Variants in SLC29A3 observed in about 807,000 individuals in gnomAD.
SLC29A3 encodes solute carrier family 29 member 3.
SLC29A3 carries 18 observed loss-of-function variants against 25.4 expected under a neutral mutation model. The observed-to-expected ratio is 0.71, with a 90% CI of 0.49 to 1.05. The LOEUF (loss-of-function observed/expected upper bound fraction) is 1.05, where lower values mean the gene tolerates loss of function less well. Among genes scored for constraint, SLC29A3 ranks in the 50% least tolerant of loss-of-function variants. SLC29A3 has a pLI of 0.00. For synonymous variants in SLC29A3, 258 were observed against 267.1 expected, an observed-to-expected ratio of 0.97 and a Z score of 0.33; for missense variants, 586 against 609.0, an observed-to-expected ratio of 0.96 and a Z score of 0.40.
In SLC29A3 at chr10:71,362,081, A is replaced by T; in HGVS notation, c.901A>T (p.Ile301Phe). ...IDSHTPPLRP[I>F]LKKTASLGFC... is the part of the protein sequence containing the mutation. ...TTCCCACACACCCCCTCTCCGCCCCATCCTGAAGAAGACGGCCAGCCTGGG... is the reference window on the plus strand; with the variant it reads ...TTCCCACACACCCCCTCTCCGCCCCTTCCTGAAGAAGACGGCCAGCCTGGG... Residue 301 changes from isoleucine to phenylalanine, a missense_variant, in exon 6 of 6, where the codon ATC becomes TTC. Transcript: ENST00000373189. 6.2e-7 allele frequency: 1 copy of T among 1,613,678 alleles called. No individual in the cohort carries two copies. The highest frequency in any genetic ancestry group is 8.5e-7 in the Non-Finnish European group (1 of 1,179,924).
At chr10:71,350,827 T>C (rs1228498967) in intron 3 of SLC29A3, among the ~76,000 whole-genome samples, 6 of 152,208 alleles carry the variant, frequency 3.9e-5, no homozygotes, top group Non-Finnish European at 8.8e-5. Context: ...CTGGGTTCAT[T>C]GCTGAGTGAC....
In SLC29A3 at chr10:71,363,082, G is replaced by C. The variant is rs1323113457; in HGVS notation, c.*474G>C. 3.3e-5 allele frequency: 15 copies of C among 450,916 alleles called. No individual in the cohort carries two copies. Among genetic ancestry groups the C allele is most frequent in the Non-Finnish European group, 5.3e-5 (12 of 224,768 alleles). The allele number at this position is 450,916 out of a possible 1,614,324, so 27.9% of individuals were successfully genotyped here. On this transcript the variant is annotated 3_prime_UTR_variant, in exon 6 of 6. Transcript: ENST00000373189. ...CCTGGAATGGAAGTCCCCTGGCATG[G>C]TCAGTCCTCAGGCCCAAGACTCAAG...
intron 3 of SLC29A3, 75 bp downstream of exon 3, chr10:71,344,366 T>A (rs929841092): frequency 1.7e-6 from 2 of 1,198,544 alleles, no homozygotes; most frequent in Admixed American, 1.7e-5. Flanking sequence ...TGCCTGCAGC[T>A]GCTTTTTTTC....
At chr10:71,352,159 C>G (rs903276950) in intron 4 of SLC29A3, among the ~76,000 whole-genome samples, 1 of 152,098 alleles carries the variant, frequency 6.6e-6, no homozygotes, top group Admixed American at 6.5e-5. Context: ...CTATGTGGAC[C>G]TCAAATGGCA....
intron 3 of SLC29A3, 78 bp downstream of exon 3, chr10:71,344,369 T>C: frequency 9.0e-7 from 1 of 1,116,340 alleles, no homozygotes; most frequent in South Asian, 1.2e-5. Flanking sequence ...CTGCAGCTGC[T>C]TTTTTTCTGC....
In SLC29A3 at chr10:71,322,874, C is replaced by T. The variant is rs752818853; in HGVS notation, c.120C>T (p.Pro40=). 139 of 1,614,262 alleles carry T rather than the reference C, an allele frequency of 8.6e-5. No individual in the cohort carries two copies. Among genetic ancestry groups the T allele is most frequent in the Non-Finnish European group, 1.1e-4 (125 of 1,180,054 alleles). Residue 40 remains proline (P), a synonymous_variant, in exon 2 of 6, where the codon CCC becomes CCT. Coordinates refer to ENST00000373189, the MANE Select transcript of SLC29A3 (RefSeq NM_018344.6). ...ALLEKLLDRP[P]PGLQRPEDRF... is the part of the protein sequence containing the mutation. The stretch of plus-strand genomic sequence containing the variant: ...TTGAGAAGCTGCTGGACCGCCCGCC[C>T]CCTGGCCTGCAGAGGCCCGAGGACC...
intron 2 of SLC29A3, among the ~76,000 whole-genome samples, chr10:71,325,157 A>G (rs1845937812): frequency 6.6e-6 from 1 of 152,208 alleles, no homozygotes; most frequent in Non-Finnish European, 1.5e-5. Context: ...GAGGTGGCTC[A>G]TCACTGCTTC....
chr10:71,380,080 C>T (rs1443011927), exon 5 of SLC29A3: 1 of 152,240 alleles, frequency 6.6e-6, no homozygotes, highest in Non-Finnish European at 1.5e-5. Flanking sequence ...CCCCTGAACT[C>T]TGTTTTGTCT....
rs1162243072 is a variant in SLC29A3 at position 71,361,854 on chromosome 10, A to C, written c.774-100A>C. The C allele has an allele frequency of 1.7e-5, 25 of 1,428,908 alleles. No homozygotes were observed. In the East Asian group the frequency reaches 3.7e-4, roughly 21 times the overall value. The allele number at this position is 1,428,908 out of a possible 1,614,324, so 88.5% of individuals were successfully genotyped here. A position where few individuals can be genotyped will look rare whatever the true frequency, so the allele number is the denominator to read the frequency against. On this transcript the variant is annotated intron_variant, in intron 5 of 5. Transcript: ENST00000373189. ...TGGGCATACGGGGCTTGGGCTCTCC[A>C]TGCTGGGCTGGAAGGTTCTGTTCTG...
At chr10:71,326,262 C>A (rs977660559) in intron 2 of SLC29A3, among the ~76,000 whole-genome samples, 3 of 152,174 alleles carry the variant, frequency 2.0e-5, no homozygotes, top group African/African-American at 7.2e-5. Context: ...ATACCACCAC[C>A]AACTTCTTAG....
intron 3 of SLC29A3, among the ~76,000 whole-genome samples, chr10:71,347,042 G>A (rs1255045227): frequency 6.6e-6 from 1 of 152,120 alleles, no homozygotes; most frequent in African/African-American, 2.4e-5. Context: ...TAGGAGAGGG[G>A]GCAAGGGCAA....
intron 5 of SLC29A3, among the ~76,000 whole-genome samples, chr10:71,360,324 A>G (rs1847023457): frequency 6.6e-6 from 1 of 151,708 alleles, no homozygotes; most frequent in Non-Finnish European, 1.5e-5. Context: ...TTGTATTTTT[A>G]GTAGAGGTGG....
At chr10:71,326,802 G>A (rs1465455541) in intron 2 of SLC29A3, among the ~76,000 whole-genome samples, 2 of 152,234 alleles carry the variant, frequency 1.3e-5, no homozygotes, top group Non-Finnish European at 2.9e-5. Flanking sequence ...AGGTGCAGAT[G>A]TAGTACCTTC....
intron 3 of SLC29A3, among the ~76,000 whole-genome samples, chr10:71,350,023 C>CT (rs1366190287): frequency 6.6e-6 from 1 of 152,218 alleles, no homozygotes; most frequent in African/African-American, 2.4e-5. Flanking sequence ...ACAGTAGTTG[C>CT]TCAATGCACA....
intron 3 of SLC29A3, among the ~76,000 whole-genome samples, chr10:71,370,103 G>A (rs997543790): frequency 2.6e-5 from 4 of 152,138 alleles, no homozygotes; most frequent in Non-Finnish European, 5.9e-5. Context: ...ACCCAAGGCT[G>A]CAGATGTTAT....
chr10:71,341,503 G>T (rs1189227127), intron 2 of SLC29A3, among the ~76,000 whole-genome samples: 2 of 152,176 alleles, frequency 1.3e-5, no homozygotes, highest in Non-Finnish European at 2.9e-5. Context: ...GGGGGTCAAA[G>T]AAAGGAACAT....
chr10:71,357,178 G>T (rs998865313), intron 5 of SLC29A3, among the ~76,000 whole-genome samples: 31 of 152,132 alleles, frequency 2.0e-4, no homozygotes, highest in Non-Finnish European at 4.3e-4. Flanking sequence ...ACTTTGGGAG[G>T]CCAAGGCAGG....
chr10:71,335,474 C>T (rs138322317), intron 2 of SLC29A3, among the ~76,000 whole-genome samples: 3,397 of 152,136 alleles, frequency 0.022, 53 homozygotes, highest in East Asian at 0.055. Flanking sequence ...ATTTATAAGG[C>T]GCAGAGGCTG....
chr10:71,351,530 G>T lies in SLC29A3; in HGVS notation c.384-32G>T, dbSNP rs555697015. On this transcript the variant is annotated intron_variant, in intron 3 of 5. Coordinates refer to ENST00000373189, the MANE Select transcript of SLC29A3 (RefSeq NM_018344.6). ...CAGCCCACACAGGAGCCCCGAAGGG[G>T]TGTCTAACTGCTTCTGGCATCCTCG... The T allele has an allele frequency of 7.0e-5, 113 of 1,605,904 alleles. No homozygotes were observed. The South Asian group carries it at 1.2e-3, about 17-fold the overall frequency.
Sources: allele counts gnomAD v4.1 joint callset (sites outside exome capture counted in the v4.1 genomes callset), GRCh38; gene constraint gnomAD v4.1.1; transcripts MANE v1.5; gene names NCBI Gene and HGNC (gene_info 2026-07-23, HGNC 2026-07-21).